Variants in HMGCLL1 observed in about 807,000 individuals in gnomAD.
The protein encoded by HMGCLL1 is 3-hydroxymethyl-3-methylglutaryl-CoA lyase, cytoplasmic.
A neutral mutation model predicts 39.1 loss-of-function variants in HMGCLL1; 36 were observed. That is an observed-to-expected ratio of 0.92 (90% CI 0.71 to 1.22). The LOEUF (loss-of-function observed/expected upper bound fraction) is 1.22. HMGCLL1 is among the 50% of genes most tolerant of loss of function. HMGCLL1 has a pLI of 0.00. For missense variants in HMGCLL1, 451 were observed against 416.5 expected (o/e 1.08, Z -0.72); for synonymous variants, 149 against 144.0 (o/e 1.03, Z -0.25).
intron 1 of HMGCLL1, among the ~76,000 whole-genome samples, chr6:55,576,327 A>T (rs1473181713): frequency 6.6e-6 from 1 of 152,186 alleles, no homozygotes; most frequent in African/African-American, 2.4e-5. Context: ...TCCAGAGGGA[A>T]CACAATTTAT....
At chr6:55,508,986 C>T (rs1356426079) in intron 5 of HMGCLL1, among the ~76,000 whole-genome samples, 1 of 151,842 alleles carries the variant, frequency 6.6e-6, no homozygotes, top group African/African-American at 2.4e-5. Context: ...TATTTAGACA[C>T]AACTGCACAA....
At chr6:55,528,342 T>C (rs1188853962) in intron 3 of HMGCLL1, among the ~76,000 whole-genome samples, 1 of 152,046 alleles carries the variant, frequency 6.6e-6, no homozygotes, top group Non-Finnish European at 1.5e-5. Context: ...AACTCAAAAC[T>C]CAATTTGAGC....
chr6:55,573,956 A>G (rs1156505897), intron 1 of HMGCLL1, among the ~76,000 whole-genome samples: 1 of 152,140 alleles, frequency 6.6e-6, no homozygotes, highest in Non-Finnish European at 1.5e-5. Flanking sequence ...ATTATCATCA[A>G]AGGACCAAAA....
chr6:55,436,151 A>G (rs1207902736), intron 8 of HMGCLL1, among the ~76,000 whole-genome samples: 1 of 151,780 alleles, frequency 6.6e-6, no homozygotes, highest in African/African-American at 2.4e-5. Context: ...ACTGACTTAG[A>G]AAAAAAACTA....
chr6:55,478,543 T>C (rs1029426236), intron 7 of HMGCLL1, among the ~76,000 whole-genome samples: 4 of 151,528 alleles, frequency 2.6e-5, no homozygotes, highest in Non-Finnish European at 5.9e-5. Context: ...TAATTAAAAA[T>C]GTATTACGAA....
intron 5 of HMGCLL1, among the ~76,000 whole-genome samples, chr6:55,510,404 A>G (rs1411165404): frequency 6.6e-6 from 1 of 151,830 alleles, no homozygotes; most frequent in Admixed American, 6.6e-5. Context: ...ATGACCAACA[A>G]TGATAGACTG....
rs1241182623 is a variant in HMGCLL1 at position 55,495,502 on chromosome 6, T to C, written c.712A>G (p.Lys238Glu). 7 of 1,613,942 alleles carry C rather than the reference T, an allele frequency of 4.3e-6. No homozygotes were observed. Among genetic ancestry groups the C allele is most frequent in the South Asian group, 1.1e-5 (1 of 91,086 alleles). ...GCAAGAGCACCTGGTGGGATTTCTT[T>C]CATCACACTTTCCAACATTCTTTTC... ...SMKRMLESVM[K>E]EIPPGALAVH... The change falls in exon 7 of 9, where the codon AAA becomes GAA. Residue 238 changes from lysine (K) to glutamate (E), a missense_variant. Transcript: ENST00000274901.
At chr6:55,576,470 A>G (rs1034937501) in intron 1 of HMGCLL1, among the ~76,000 whole-genome samples, 1 of 152,186 alleles carries the variant, frequency 6.6e-6, no homozygotes, top group Non-Finnish European at 1.5e-5. Context: ...TTTGGTGTCC[A>G]CTCTTAAAAG....
intron 1 of HMGCLL1, among the ~76,000 whole-genome samples, chr6:55,543,497 C>T (rs376902510): frequency 1.5e-3 from 22 of 14,702 alleles, no homozygotes; most frequent in African/African-American, 3.7e-3. Context: ...TGATATATAT[C>T]ATATATATCA....
At chr6:55,586,027 T>G in the HMGCLL1 span, among the ~76,000 whole-genome samples, 1 of 152,118 alleles carries the variant, frequency 6.6e-6, no homozygotes, top group Non-Finnish European at 1.5e-5. Context: ...CCACCAAATG[T>G]GAATTGAATA....
chr6:55,572,186 A>G, intron 1 of HMGCLL1, among the ~76,000 whole-genome samples: 1 of 152,190 alleles, frequency 6.6e-6, no homozygotes, highest in Admixed American at 6.5e-5. Flanking sequence ...TAGAGAGAGA[A>G]AGAGAAAGAG....
chr6:55,610,015 G>T, the HMGCLL1 span, among the ~76,000 whole-genome samples: 1 of 152,166 alleles, frequency 6.6e-6, no homozygotes, highest in South Asian at 2.1e-4. Flanking sequence ...CTTCACAAAA[G>T]GCTCATCCAA....
At chr6:55,646,629 C>T in the HMGCLL1 span, among the ~76,000 whole-genome samples, 6 of 151,874 alleles carry the variant, frequency 4.0e-5, no homozygotes, top group African/African-American at 1.4e-4. Context: ...TTTCAATTTC[C>T]TTCTTACTTT....
chr6:55,472,676 C>T (rs997645227), intron 7 of HMGCLL1, among the ~76,000 whole-genome samples: 2 of 151,130 alleles, frequency 1.3e-5, no homozygotes, highest in Non-Finnish European at 3.0e-5. Flanking sequence ...TACCATAGAC[C>T]TACACCCAAT....
chr6:55,580,869 A>G (rs1162447329), upstream of HMGCLL1, among the ~76,000 whole-genome samples: 1 of 152,240 alleles, frequency 6.6e-6, no homozygotes, highest in Non-Finnish European at 1.5e-5. Context: ...TAAATCTATT[A>G]GCTGTACCAG....
At chr6:55,619,856 C>T in the HMGCLL1 span, among the ~76,000 whole-genome samples, 5 of 152,068 alleles carry the variant, frequency 3.3e-5, no homozygotes, top group Admixed American at 6.6e-5. Flanking sequence ...CTCCACTACC[C>T]ATCCCAGCCT....
At chr6:55,532,377 G>A (rs758966160) in intron 3 of HMGCLL1, among the ~76,000 whole-genome samples, 11 of 151,998 alleles carry the variant, frequency 7.2e-5, no homozygotes, top group African/African-American at 2.7e-4. Flanking sequence ...TTTTTCTTAG[G>A]ATACAGTAGT....
At chr6:55,479,355 G>C (rs1759479221) in intron 7 of HMGCLL1, among the ~76,000 whole-genome samples, 1 of 151,472 alleles carries the variant, frequency 6.6e-6, no homozygotes, top group Admixed American at 6.6e-5. Flanking sequence ...TTTTATGCTT[G>C]TATTTTGGTG....
chr6:55,584,331 C>T, the HMGCLL1 span, among the ~76,000 whole-genome samples: 1 of 152,096 alleles, frequency 6.6e-6, no homozygotes. Context: ...ATGAAGAACA[C>T]TGGATTTAAC....
Sources: gnomAD v4.1 joint callset for allele counts (sites outside exome capture counted in the v4.1 genomes callset) on GRCh38, gnomAD v4.1.1 for gene constraint, MANE v1.5 for transcripts, NCBI Gene and HGNC (gene_info 2026-07-23, HGNC 2026-07-21) for gene names.